ZNRF1: variants seen among roughly 807,000 people sequenced by gnomAD.
The protein encoded by ZNRF1 is zinc and ring finger 1.
ZNRF1 carries 3 observed loss-of-function variants against 18.4 expected under a neutral mutation model. The observed-to-expected ratio is 0.16, with a 90% CI of 0.07 to 0.42. ZNRF1 has a LOEUF of 0.42. Among genes scored for constraint, ZNRF1 ranks in the 10% least tolerant of loss-of-function variants. The pLI, the probability that ZNRF1 is intolerant of heterozygous loss-of-function variation, is 0.99. For missense variants in ZNRF1, 310 were observed against 329.8 expected (o/e 0.94, Z 0.47); for synonymous variants, 157 against 144.2 (o/e 1.09, Z -0.64).
intron 1 of ZNRF1, among the ~76,000 whole-genome samples, chr16:75,089,012 C>T (rs935377136): frequency 6.6e-6 from 1 of 152,106 alleles, no homozygotes; most frequent in African/African-American, 2.4e-5. Context: ...CTCTGCATAG[C>T]CCATGGCCAG....
At position 75,010,656 on chromosome 16, in the gene ZNRF1, C is replaced by T. The variant is rs368761211; in HGVS notation, c.424+10561C>T. Among the ~76,000 whole-genome samples, 14 of 149,244 alleles carry T rather than the reference C, an allele frequency of 9.4e-5. 2 individuals carry two copies. Among genetic ancestry groups the T allele is most frequent in the East Asian group, 7.9e-4 (4 of 5,090 alleles). ...CCCTCTGAAAAGTAATTAATCCATA[C>T]TTCATAAAGAGTTGTTCTGAAATTA... On this transcript the variant is annotated intron_variant, in intron 1 of 4. Coordinates refer to ENST00000335325, the MANE Select transcript of ZNRF1 (RefSeq NM_032268.5).
At chr16:75,016,700 T>C in intron 1 of ZNRF1, among the ~76,000 whole-genome samples, 1 of 43,878 alleles carries the variant, frequency 2.3e-5, no homozygotes, top group Admixed American at 2.2e-4. Context: ...CATGCCTGGC[T>C]TTTTTTTTTT....
chr16:75,086,766 C>T (rs1381518349), intron 1 of ZNRF1, among the ~76,000 whole-genome samples: 6 of 152,174 alleles, frequency 3.9e-5, no homozygotes, highest in Admixed American at 1.3e-4. Context: ...TCAAGGGGCA[C>T]GCGCTCTCTG....
chr16:75,049,539 G>A (rs975951442), intron 1 of ZNRF1, among the ~76,000 whole-genome samples: 27 of 152,124 alleles, frequency 1.8e-4, no homozygotes, highest in African/African-American at 6.5e-4. Flanking sequence ...GCTCACACCT[G>A]TAATCCTAAC....
At chr16:75,021,710 T>C (rs1202206957) in intron 1 of ZNRF1, among the ~76,000 whole-genome samples, 2 of 152,206 alleles carry the variant, frequency 1.3e-5, no homozygotes, top group Non-Finnish European at 2.9e-5. Context: ...TTCTCAACTC[T>C]TAGAGTTAAT....
At position 74,999,636 on chromosome 16, in the gene ZNRF1, C is replaced by T; in HGVS notation, c.-36C>T. ...GCTGAGAAGTGGGGGAGGGTCTCGGCCTCCAGGTTCCCGCCCCACCGGGGC... is the reference window on the plus strand; with the variant it reads ...GCTGAGAAGTGGGGGAGGGTCTCGGTCTCCAGGTTCCCGCCCCACCGGGGC... On this transcript the variant is annotated 5_prime_UTR_variant, in exon 1 of 5. Transcript: ENST00000335325. 7.6e-7 allele frequency: 1 copy of T among 1,318,196 alleles called. No homozygotes were observed. The highest frequency in any genetic ancestry group is 2.1e-5 in the South Asian group (1 of 46,524). 81.7% of individuals were successfully genotyped at this position (1,318,196 alleles called of 1,614,324 possible).
At chr16:75,048,108 G>T (rs890531990) in intron 1 of ZNRF1, among the ~76,000 whole-genome samples, 3 of 151,952 alleles carry the variant, frequency 2.0e-5, no homozygotes, top group African/African-American at 7.3e-5. Flanking sequence ...ACGCCGCCAC[G>T]TCTGGCTGAT....
At chr16:75,031,598 C>G (rs2035304948) in intron 1 of ZNRF1, among the ~76,000 whole-genome samples, 1 of 152,096 alleles carries the variant, frequency 6.6e-6, no homozygotes, top group East Asian at 1.9e-4. Flanking sequence ...GCCTGACCTC[C>G]AAAGCTCGAG....
At chr16:75,054,916 C>T (rs534847184) in intron 1 of ZNRF1, among the ~76,000 whole-genome samples, 1 of 152,346 alleles carries the variant, frequency 6.6e-6, no homozygotes, top group Admixed American at 6.5e-5. Context: ...GGATCTGACT[C>T]TCTTCTTGGT....
intron 1 of ZNRF1, among the ~76,000 whole-genome samples, chr16:75,052,238 A>G (rs566913351): frequency 3.1e-4 from 47 of 152,028 alleles, no homozygotes; most frequent in Non-Finnish European, 6.3e-4. Context: ...ATCTCTACCA[A>G]AAATACATAA....
intron 1 of ZNRF1, among the ~76,000 whole-genome samples, chr16:75,029,793 T>C (rs539772046): frequency 7.0e-6 from 1 of 142,512 alleles, no homozygotes; most frequent in South Asian, 2.3e-4. Flanking sequence ...AAAAATTTAT[T>C]GAGGCTGGGT....
intron 1 of ZNRF1, among the ~76,000 whole-genome samples, chr16:75,091,009 C>T (rs565861779): frequency 4.7e-4 from 72 of 152,092 alleles, no homozygotes; most frequent in Middle Eastern, 6.8e-3. Context: ...CCTTGGCCTC[C>T]TAAAGTGCTG....
chr16:75,102,537 C>G (rs1468446665), intron 2 of ZNRF1, among the ~76,000 whole-genome samples: 2 of 152,216 alleles, frequency 1.3e-5, no homozygotes, highest in African/African-American at 4.8e-5. Context: ...GATATTTCTC[C>G]TGTGGCTTGG....
intron 1 of ZNRF1, among the ~76,000 whole-genome samples, chr16:75,063,190 A>C (rs1235872205): frequency 6.6e-6 from 1 of 152,178 alleles, no homozygotes; most frequent in Non-Finnish European, 1.5e-5. Flanking sequence ...TCAGCTCCCC[A>C]CATAGCCCCG....
intron 1 of ZNRF1, among the ~76,000 whole-genome samples, chr16:75,071,787 C>G (rs906811826): frequency 3.3e-5 from 5 of 152,040 alleles, no homozygotes; most frequent in Non-Finnish European, 7.4e-5. Context: ...CCTTTCTGAT[C>G]CAACCACATC....
chr16:75,004,138 A>G (rs1481918464), intron 1 of ZNRF1, among the ~76,000 whole-genome samples: 3 of 151,942 alleles, frequency 2.0e-5, no homozygotes, highest in Non-Finnish European at 2.9e-5. Context: ...ATGGTCTCAG[A>G]ATTTGATGGG....
chr16:75,046,787 A>C (rs1370905216), intron 1 of ZNRF1: 1 of 153,398 alleles, frequency 6.5e-6, no homozygotes, highest in East Asian at 1.9e-4. Flanking sequence ...CGTGTTAGCC[A>C]GGATGGTCTT....
At chr16:75,042,443 CTTTTTTTTTT>C (rs56212046) in intron 1 of ZNRF1, among the ~76,000 whole-genome samples, 4 of 116,946 alleles carry the variant, frequency 3.4e-5, no homozygotes, top group East Asian at 5.0e-4. Context: ...CTGTTTCTTT[CTTTTTTTTTT>C]TTTTTTTTTG....
At chr16:75,085,760 A>T (rs1352880122) in intron 1 of ZNRF1, among the ~76,000 whole-genome samples, 2 of 147,882 alleles carry the variant, frequency 1.4e-5, no homozygotes, top group African/African-American at 5.2e-5. Context: ...TTTATTGGTC[A>T]GTGTTTTCTA....
Sources: gnomAD v4.1 joint callset for allele counts (sites outside exome capture counted in the v4.1 genomes callset) on GRCh38, gnomAD v4.1.1 for gene constraint, MANE v1.5 for transcripts, NCBI Gene and HGNC (gene_info 2026-07-23, HGNC 2026-07-21) for gene names.